The following CHST11 variants were observed in gnomAD, a reference collection of about 807,000 sequenced individuals.
CHST11 encodes the protein carbohydrate sulfotransferase 11.
In CHST11, 9 loss-of-function variants were observed where a neutral mutation model predicts 30.4. The observed-to-expected ratio is 0.30, with a 90% CI of 0.18 to 0.52. The LOEUF (loss-of-function observed/expected upper bound fraction) is 0.52, where lower values mean the gene tolerates loss of function less well. Ranked by LOEUF, CHST11 falls within the 20% of genes least tolerant of loss-of-function variation. The pLI is 0.97. For synonymous variants in CHST11, 152 were observed against 187.8 expected (o/e 0.81, Z 1.56); for missense variants, 348 against 460.6 (o/e 0.76, Z 2.24).
intron 1 of CHST11, among the ~76,000 whole-genome samples, chr12:104,599,311 C>A (rs528487933): frequency 6.6e-6 from 1 of 152,164 alleles, no homozygotes; most frequent in African/African-American, 2.4e-5. Flanking sequence ...AATAATACTG[C>A]CCCCCATAAA....
intron 1 of CHST11, among the ~76,000 whole-genome samples, chr12:104,541,130 T>TCTCA (rs1310906893): frequency 1.0e-3 from 152 of 146,672 alleles, no homozygotes; most frequent in African/African-American, 3.4e-3. Flanking sequence ...TCTCTCTCTC[T>TCTCA]CACACACACA....
At chr12:104,608,421 A>T (rs1321354618) in intron 2 of CHST11, among the ~76,000 whole-genome samples, 1 of 152,116 alleles carries the variant, frequency 6.6e-6, no homozygotes, top group African/African-American at 2.4e-5. Context: ...AAGTTAGTTC[A>T]CTAAAACCTT....
At chr12:104,678,078 GCA>G (rs1328225514) in intron 2 of CHST11, among the ~76,000 whole-genome samples, 1 of 152,182 alleles carries the variant, frequency 6.6e-6, no homozygotes, top group East Asian at 1.9e-4. Flanking sequence ...TGTCTTCATA[GCA>G]CTTGTCACCA....
chr12:104,649,295 A>C (rs2039468798), intron 2 of CHST11, among the ~76,000 whole-genome samples: 2 of 152,224 alleles, frequency 1.3e-5, no homozygotes, highest in South Asian at 4.1e-4. Context: ...ATTATTAATA[A>C]TAATCTTAAC....
At chr12:104,667,461 G>A (rs1015744598) in intron 2 of CHST11, among the ~76,000 whole-genome samples, 1 of 152,136 alleles carries the variant, frequency 6.6e-6, no homozygotes, top group South Asian at 2.1e-4. Context: ...TAAAACTCCA[G>A]CTTTTGGAGT....
intron 1 of CHST11, among the ~76,000 whole-genome samples, chr12:104,460,165 G>C (rs749035341): frequency 6.6e-6 from 1 of 152,168 alleles, no homozygotes; most frequent in Admixed American, 6.5e-5. Context: ...TGATCCTTCA[G>C]CCTGGCTCTG....
chr12:104,567,895 A>G lies in CHST11; in HGVS notation c.119-34011A>G, dbSNP rs535841576. On this transcript the variant is annotated intron_variant, in intron 1 of 2. Transcript: ENST00000303694. ...TCTGCCATGTGAAGACACAGAAGGC[A>G]TCACTGTTTGGTGCCTTGCCAGACA... Among the ~76,000 whole-genome samples the G allele has an allele frequency of 7.2e-5, 11 of 152,356 alleles. No individual in the cohort carries two copies. In the South Asian group the frequency reaches 1.4e-3, roughly 20 times the overall value.
intron 2 of CHST11, among the ~76,000 whole-genome samples, chr12:104,673,811 T>C (rs1467905172): frequency 6.6e-6 from 1 of 152,214 alleles, no homozygotes; most frequent in Non-Finnish European, 1.5e-5. Flanking sequence ...TGGCAGAACA[T>C]TCCCTGGAAG....
At chr12:104,492,625 C>T (rs2037757745) in intron 1 of CHST11, among the ~76,000 whole-genome samples, 1 of 152,158 alleles carries the variant, frequency 6.6e-6, no homozygotes, top group Non-Finnish European at 1.5e-5. Context: ...GAATAGGATC[C>T]CTTTTTAAGA....
chr12:104,717,234 A>G (rs139857652), intron 2 of CHST11, among the ~76,000 whole-genome samples: 1 of 152,228 alleles, frequency 6.6e-6, no homozygotes, highest in Non-Finnish European at 1.5e-5. Flanking sequence ...TCTTGGATGC[A>G]GGAAGAGCGG....
intron 1 of CHST11, among the ~76,000 whole-genome samples, chr12:104,520,315 T>C (rs889352608): frequency 1.3e-5 from 2 of 152,164 alleles, no homozygotes; most frequent in African/African-American, 4.8e-5. Context: ...GTAAATGCTT[T>C]ATAAGCCTAA....
chr12:104,677,688 C>T (rs569149071), intron 2 of CHST11, among the ~76,000 whole-genome samples: 26 of 152,212 alleles, frequency 1.7e-4, no homozygotes, highest in Non-Finnish European at 3.2e-4. Context: ...TGCAGATTCA[C>T]GGAAGTTCAA....
intron 2 of CHST11, among the ~76,000 whole-genome samples, chr12:104,642,052 A>G (rs1425391094): frequency 6.6e-6 from 1 of 152,180 alleles, no homozygotes; most frequent in Non-Finnish European, 1.5e-5. Context: ...GCACAGGACA[A>G]TCCTTACAAC....
At position 104,687,066 on chromosome 12, in the gene CHST11, CCTT is replaced by C. The variant is rs2039853468; in HGVS notation, c.205-69880_205-69878del. On this transcript the variant is annotated intron_variant, in intron 2 of 2. Transcript: ENST00000303694. ...GGTCCCAACTGCCAAGGCTCATGGT[CCTT>C]CTGTATAGATGCCACAAACCTACAG... 2.0e-5 allele frequency among the ~76,000 whole-genome samples: 3 copies of C among 152,356 alleles called. No individual in the cohort carries two copies. In the South Asian group the frequency reaches 6.2e-4, roughly 32 times the overall value.
At chr12:104,653,024 C>A (rs948091234) in intron 2 of CHST11, among the ~76,000 whole-genome samples, 2 of 152,130 alleles carry the variant, frequency 1.3e-5, no homozygotes, top group African/African-American at 4.8e-5. Flanking sequence ...AATGTGCCAT[C>A]GTAACCATTT....
chr12:104,716,080 C>G (rs1041523028), intron 2 of CHST11, among the ~76,000 whole-genome samples: 26 of 152,292 alleles, frequency 1.7e-4, no homozygotes, highest in African/African-American at 6.3e-4. Flanking sequence ...AAGCCCCTAG[C>G]TTGGGTGGAT....
At chr12:104,604,919 A>G (rs1200167146) in intron 2 of CHST11, among the ~76,000 whole-genome samples, 2 of 152,198 alleles carry the variant, frequency 1.3e-5, no homozygotes, top group Non-Finnish European at 2.9e-5. Context: ...TAAACATCTT[A>G]TCTAATCCTT....
intron 2 of CHST11, among the ~76,000 whole-genome samples, chr12:104,616,031 C>G (rs1220072780): frequency 6.6e-6 from 1 of 152,170 alleles, no homozygotes; most frequent in African/African-American, 2.4e-5. Flanking sequence ...GTGTCTGGCA[C>G]CAAGTGAAGG....
At chr12:104,585,315 C>T (rs1361799549) in intron 1 of CHST11, among the ~76,000 whole-genome samples, 2 of 152,238 alleles carry the variant, frequency 1.3e-5, no homozygotes, top group Non-Finnish European at 2.9e-5. Flanking sequence ...TGTCTGTTAA[C>T]TGTGCAACAG....
Sources: allele counts gnomAD v4.1 joint callset (sites outside exome capture counted in the v4.1 genomes callset), GRCh38; gene constraint gnomAD v4.1.1; transcripts MANE v1.5; gene names NCBI Gene and HGNC (gene_info 2026-07-23, HGNC 2026-07-21).